Variants in AAAS observed in about 807,000 individuals in gnomAD.
AAAS encodes the protein aladin.
In AAAS, 60 loss-of-function variants were observed where a neutral mutation model predicts 75.6. That is an observed-to-expected ratio of 0.79 (90% CI 0.64 to 0.98). AAAS has a LOEUF of 0.98. Ranked by LOEUF, AAAS falls within the 50% of genes least tolerant of loss-of-function variation. The pLI is 0.00. For synonymous variants in AAAS, 271 were observed against 265.0 expected, an observed-to-expected ratio of 1.02 and a Z score of -0.22; for missense variants, 658 against 686.9, an observed-to-expected ratio of 0.96 and a Z score of 0.47.
In AAAS at chr12:53,307,542, G is replaced by T; in HGVS notation, c.1588C>A (p.Pro530Thr). 1 of 1,614,174 alleles carries T rather than the reference G, an allele frequency of 6.2e-7. No homozygotes were observed. The highest frequency in any genetic ancestry group is 1.3e-5 in the African/African-American group (1 of 75,062). The change falls in exon 16 of 16, where the codon CCT becomes ACT. Residue 530 changes from proline (P) to threonine (T), a missense_variant. Coordinates refer to ENST00000209873, the MANE Select transcript of AAAS (RefSeq NM_015665.6). ...AGAACAGGTGGTGGCCCTGGGAGAGGGTCCCAAGGGGCAGAGGTTGGGGAT... is the reference window on the plus strand; with the variant it reads ...AGAACAGGTGGTGGCCCTGGGAGAGTGTCCCAAGGGGCAGAGGTTGGGGAT... The part of the protein sequence containing the change: ...ETSPTSAPWD[P>T]LPGPPPVLPH...
In AAAS at chr12:53,308,545, G is replaced by C. The variant is rs200520740; in HGVS notation, c.1088-17C>G. On this transcript the variant is annotated splice_polypyrimidine_tract_variant and intron_variant, in intron 11 of 15. Coordinates refer to ENST00000209873, the MANE Select transcript of AAAS (RefSeq NM_015665.6). ...TTCCCTCACCTGTGGACAAATAAGA[G>C]CAGAGAGGTTCTTGCAAGAAACAGG... 4 of 1,614,010 alleles carry C rather than the reference G, an allele frequency of 2.5e-6. No individual in the cohort carries two copies. The highest frequency in any genetic ancestry group is 1.3e-5 in the African/African-American group (1 of 75,034).
intron 7 of AAAS, among the ~76,000 whole-genome samples, chr12:53,311,379 A>G (rs1351832980): frequency 6.6e-6 from 1 of 152,174 alleles, no homozygotes; most frequent in East Asian, 1.9e-4. Context: ...CTCCTGCCTC[A>G]GCCTCCTGAG....
At position 53,308,515 on chromosome 12, in the gene AAAS, C is replaced by T. The variant is rs771981283; in HGVS notation, c.1101G>A (p.Gly367=). The change falls in exon 12 of 16, where the codon GGG becomes GGA. Residue 367 remains glycine (G), a synonymous_variant. Transcript: ENST00000209873. ...TTGCTGACTTTGCACCTCCAACGCA[C>T]CCCTTTCCCTCACCTGTGGACAAAT... ...SFPERCGEGK[G]CVGGAKSATI... is the part of the protein sequence containing the mutation. 2 of 1,614,166 alleles carry T rather than the reference C, an allele frequency of 1.2e-6. No individual in the cohort carries two copies. The highest frequency in any genetic ancestry group is 1.7e-6 in the Non-Finnish European group (2 of 1,180,044).
chr12:53,315,192 C>T (rs756272091), intron 4 of AAAS, 52 bp from the exon 5 acceptor site: 1 of 1,608,018 alleles, frequency 6.2e-7, no homozygotes, highest in South Asian at 1.1e-5. Context: ...GAGTCCATCT[C>T]CTCAATATTC....
intron 2 of AAAS, among the ~76,000 whole-genome samples, chr12:53,316,257 C>T (rs1473664980): frequency 6.6e-6 from 1 of 151,898 alleles, no homozygotes; most frequent in Non-Finnish European, 1.5e-5. Flanking sequence ...TGAGACCATC[C>T]TGGCCAACAT....
chr12:53,318,245 C>T (rs112681950), intron 2 of AAAS, among the ~76,000 whole-genome samples: 25,790 of 76,900 alleles, frequency 0.34, 2,717 homozygotes, highest in Admixed American at 0.44. Context: ...TGTGTGTGTG[C>T]GTGTGTGTGT....
At chr12:53,309,050 A>C (rs1944343857) in intron 9 of AAAS, 30 bp from the exon 10 acceptor site, 1 of 1,614,064 alleles carries the variant, frequency 6.2e-7, no homozygotes, top group Non-Finnish European at 8.5e-7. Context: ...ATTACAGCTC[A>C]GGACCTCTAA....
chr12:53,309,640 C>T lies in AAAS; in HGVS notation c.771G>A (p.Gly257=). The T allele has an allele frequency of 6.2e-7, 1 of 1,613,492 alleles. No homozygotes were observed. Among genetic ancestry groups the T allele is most frequent in the Non-Finnish European group, 8.5e-7 (1 of 1,179,872 alleles). The change falls in exon 8 of 16, where the codon GGG becomes GGA. Residue 257 remains glycine, a synonymous_variant. Transcript: ENST00000209873. ...VTSLAWAPSG[G]RLLSASPVDA... ...CCACGGGTGAAGCTGAGAGCAGCCG[C>T]CCCCCACTGGGGGCCCAGGCCAAGC...
chr12:53,318,245 C>CGTGTGTGTGTGT (rs1165918605), intron 2 of AAAS, among the ~76,000 whole-genome samples: 2 of 78,832 alleles, frequency 2.5e-5, no homozygotes, highest in Admixed American at 2.4e-4. Context: ...TGTGTGTGTG[C>CGTGTGTGTGTGT]GTGTGTGTGT....
In AAAS at chr12:53,321,169, ACT is replaced by A. The variant is rs1278333330; in HGVS notation, c.123+172_123+173del. 4.6e-5 allele frequency: 45 copies of A among 978,036 alleles called. No homozygotes were observed. The Admixed American group carries it at 1.2e-3, about 27-fold the overall frequency. 60.6% of individuals were successfully genotyped at this position (978,036 alleles called of 1,614,324 possible). A position where few individuals can be genotyped will look rare whatever the true frequency, so the allele number is the denominator to read the frequency against. On this transcript the variant is annotated intron_variant, in intron 1 of 15. Coordinates refer to ENST00000209873, the MANE Select transcript of AAAS (RefSeq NM_015665.6). ...AGCTCCTTAACCGTTCCCCCGTTAT[ACT>A]CCAATCCCAGTCCTAAAACAGATTC...
intron 2 of AAAS, among the ~76,000 whole-genome samples, chr12:53,316,350 T>C (rs891626517): frequency 1.3e-5 from 2 of 151,342 alleles, no homozygotes; most frequent in African/African-American, 4.9e-5. Context: ...CTCAGGAGGC[T>C]GAGGCAGGGC....
chr12:53,309,403 T>A, intron 8 of AAAS, 122 bp from the exon 9 acceptor site: 2 of 1,532,834 alleles, frequency 1.3e-6, no homozygotes, highest in Non-Finnish European at 8.9e-7. Context: ...CTGTGAAACA[T>A]GAGGCACGGG....
At chr12:53,315,638 G>C in intron 3 of AAAS, 89 bp downstream of exon 3, 1 of 1,494,752 alleles carries the variant, frequency 6.7e-7, no homozygotes, top group East Asian at 2.3e-5. Context: ...GCTAAAAGAG[G>C]CTGAGCCAAC....
In AAAS at chr12:53,321,447, ACAAC is replaced by A. The variant is rs1483793303; in HGVS notation, c.15_18del (p.Leu6SerfsTer20). ...TGACCCCGAGGCGGTGGAGGAGGGA[ACAAC>A]CCCAGAGAGCACATCTTGCCGGTTC... On this transcript the variant is annotated frameshift_variant, in exon 1 of 16. Coordinates refer to ENST00000209873, the MANE Select transcript of AAAS (RefSeq NM_015665.6). LOFTEE classifies it high-confidence loss of function. 6.2e-7 allele frequency: 1 copy of A among 1,614,132 alleles called. No homozygotes were observed. Among genetic ancestry groups the A allele is most frequent in the Non-Finnish European group, 8.5e-7 (1 of 1,179,994 alleles).
At chr12:53,318,193 T>C (rs566986861) in intron 2 of AAAS, among the ~76,000 whole-genome samples, 1 of 151,596 alleles carries the variant, frequency 6.6e-6, no homozygotes, top group East Asian at 1.9e-4. Flanking sequence ...GCCCAGCTAA[T>C]TTTTAAATTT....
chr12:53,315,188 A>G (rs750710662), intron 4 of AAAS, 48 bp from the exon 5 acceptor site: 7 of 1,609,160 alleles, frequency 4.4e-6, no homozygotes, highest in Non-Finnish European at 6.0e-6. Context: ...AAAGGAGTCC[A>G]TCTCCTCAAT....
rs1184476161 is a variant in AAAS at position 53,308,956 on chromosome 12, T to G, written c.996+4A>C. 9.3e-6 allele frequency: 15 copies of G among 1,614,184 alleles called. No individual in the cohort carries two copies. The highest frequency in any genetic ancestry group is 1.3e-5 in the African/African-American group (1 of 75,052). On this transcript the variant is annotated splice_donor_region_variant and intron_variant, in intron 10 of 15. Coordinates refer to ENST00000209873, the MANE Select transcript of AAAS (RefSeq NM_015665.6). The stretch of plus-strand genomic sequence containing the variant: ...AGTGTCTGTGAATCAGAGTCCCCTC[T>G]TACCTGACAGCGCCCTGATAGAGTA...
intron 3 of AAAS, 102 bp from the exon 4 acceptor site, chr12:53,315,528 T>C: frequency 8.0e-7 from 1 of 1,248,966 alleles, no homozygotes; most frequent in African/African-American, 1.5e-5. Context: ...CCCAGGTCCT[T>C]CTGCCCAGTA....
rs1450943282 is a variant in AAAS, at chr12:53,314,844, C to T, written c.452G>A (p.Ser151Asn). The T allele has an allele frequency of 1.9e-6, 3 of 1,613,456 alleles. No homozygotes were observed. The highest frequency in any genetic ancestry group is 2.2e-5 in the South Asian group (2 of 90,882). The change falls in exon 6 of 16, where the codon AGC (serine) becomes AAC (asparagine). Residue 151 changes from serine (S) to asparagine (N), a missense_variant. Coordinates refer to ENST00000209873, the MANE Select transcript of AAAS (RefSeq NM_015665.6). ...AEFAQVTNWS[S>N]CCLRVFAWHP... Reference sequence around the variant, plus strand: ...CCATGCAAAGACACGCAAGCAGCAGCTGGACCTAAGGAAGGGGTTAACATG... The same window carrying T: ...CCATGCAAAGACACGCAAGCAGCAGTTGGACCTAAGGAAGGGGTTAACATG...
Sources: allele counts gnomAD v4.1 joint callset (sites outside exome capture counted in the v4.1 genomes callset), GRCh38; gene constraint gnomAD v4.1.1; transcripts MANE v1.5; gene names NCBI Gene and HGNC (gene_info 2026-07-23, HGNC 2026-07-21).